The following CRTC1 variants were observed in gnomAD, a reference collection of about 807,000 sequenced individuals.
The protein encoded by CRTC1 is CREB regulated transcription coactivator 1.
CRTC1 carries 18 observed loss-of-function variants against 66.1 expected under a neutral mutation model. The observed-to-expected ratio is 0.27, with a 90% CI of 0.19 to 0.40. CRTC1 has a LOEUF of 0.40. Among genes scored for constraint, CRTC1 ranks in the 10% least tolerant of loss-of-function variants. The pLI is 1.00. For missense variants in CRTC1, 669 were observed against 887.9 expected (o/e 0.75, Z 3.13); for synonymous variants, 416 against 398.8 (o/e 1.04, Z -0.51).
At chr19:18,758,306 G>A (rs2054537004) in intron 6 of CRTC1, among the ~76,000 whole-genome samples, 3 of 151,188 alleles carry the variant, frequency 2.0e-5, no homozygotes, top group Middle Eastern at 3.4e-3. Flanking sequence ...CTTGCAGTGA[G>A]CTGAGATCGT....
At chr19:18,712,379 C>T (rs903482165) in intron 1 of CRTC1, among the ~76,000 whole-genome samples, 3 of 152,088 alleles carry the variant, frequency 2.0e-5, no homozygotes, top group Non-Finnish European at 1.5e-5. Flanking sequence ...CCACCTCAGC[C>T]TTCCTGGTAG....
chr19:18,696,615 G>T (rs763162249), intron 1 of CRTC1, among the ~76,000 whole-genome samples: 1 of 152,130 alleles, frequency 6.6e-6, no homozygotes, highest in Non-Finnish European at 1.5e-5. Context: ...CTTGTTGTAC[G>T]CTGAGCCTCA....
chr19:18,706,182 CTTTTTTTTTTTTTT>C (rs58104974), intron 1 of CRTC1, among the ~76,000 whole-genome samples: 7 of 18,708 alleles, frequency 3.7e-4, no homozygotes, highest in East Asian at 1.2e-3. Context: ...TTCCATTGGT[CTTTTTTTTTTTTTT>C]TTTTTTTTTT....
At chr19:18,753,758 T>C (rs780175070) in intron 6 of CRTC1, among the ~76,000 whole-genome samples, 173 bp downstream of exon 6, 10 of 152,116 alleles carry the variant, frequency 6.6e-5, no homozygotes, top group Non-Finnish European at 1.3e-4. Context: ...TGTTGATCAC[T>C]AAGATCACTA....
At chr19:18,775,406 C>T (rs1455557543) in intron 12 of CRTC1, among the ~76,000 whole-genome samples, 2 of 152,158 alleles carry the variant, frequency 1.3e-5, no homozygotes, top group Non-Finnish European at 2.9e-5. Context: ...CAGCCTGGAG[C>T]TGCTCACTCA....
intron 1 of CRTC1, among the ~76,000 whole-genome samples, chr19:18,740,985 A>G (rs1265263546): frequency 6.6e-6 from 1 of 152,236 alleles, no homozygotes; most frequent in African/African-American, 2.4e-5. Flanking sequence ...AGCCTGGGCA[A>G]CAGAGCGAGA....
In CRTC1 at chr19:18,771,053, T is replaced by C. The variant is rs549648012; in HGVS notation, c.1321-389T>C. ...ATGTGTGGGTGTGCATGTGTGGGTA[T>C]GTATATTCTAGTGTGGATATGTGTA... On this transcript the variant is annotated intron_variant, in intron 10 of 13. Transcript: ENST00000321949. The surrounding 1 kb of genome is among the most constrained non-coding windows in gnomAD (Gnocchi z 4.6). 8.5e-5 allele frequency among the ~76,000 whole-genome samples: 13 copies of C among 152,082 alleles called. No homozygotes were observed. In the South Asian group the frequency reaches 2.5e-3, roughly 29 times the overall value.
rs1044512380 is a variant in CRTC1 at position 18,777,447 on chromosome 19, G to A, written c.*65G>A. The A allele has an allele frequency of 7.7e-6, 11 of 1,429,354 alleles. No homozygotes were observed. The highest frequency in any genetic ancestry group is 7.0e-5 in the African/African-American group (5 of 71,522). 88.5% of individuals were successfully genotyped at this position (1,429,354 alleles called of 1,614,324 possible). On this transcript the variant is annotated 3_prime_UTR_variant, in exon 14 of 14. Transcript: ENST00000321949. The surrounding 1 kb of genome is among the most constrained non-coding windows in gnomAD (Gnocchi z 5.5). ...GCGCCTCCCCAGCCCGGGGACGGCC[G>A]TGCTCCGTCCCTCGCCAACGGCCGA...
At chr19:18,744,040 C>T in intron 2 of CRTC1, 1 of 1,563,754 alleles carries the variant, frequency 6.4e-7, no homozygotes, top group South Asian at 1.1e-5. Context: ...GGGGAGGTCC[C>T]ACGCATCCCG....
At chr19:18,708,457 G>A (rs1433877955) in intron 1 of CRTC1, among the ~76,000 whole-genome samples, 2 of 152,180 alleles carry the variant, frequency 1.3e-5, no homozygotes, top group African/African-American at 4.8e-5. Flanking sequence ...TTCTGTATCA[G>A]CATCAGGAAG....
intron 4 of CRTC1, among the ~76,000 whole-genome samples, chr19:18,747,513 G>A (rs1423891749): frequency 6.6e-6 from 1 of 152,150 alleles, no homozygotes; most frequent in Non-Finnish European, 1.5e-5. Flanking sequence ...GCGCATGCCT[G>A]TAATCCCCAG....
chr19:18,701,582 T>C (rs2053140856), intron 1 of CRTC1, among the ~76,000 whole-genome samples: 1 of 152,210 alleles, frequency 6.6e-6, no homozygotes, highest in East Asian at 1.9e-4. Flanking sequence ...TCATTGCTGT[T>C]AACTGTTTCT....
chr19:18,745,973 C>T lies in CRTC1; in HGVS notation c.381+13C>T. 6.2e-7 allele frequency: 1 copy of T among 1,600,738 alleles called. No homozygotes were observed. The highest frequency in any genetic ancestry group is 8.5e-7 in the Non-Finnish European group (1 of 1,170,728). On this transcript the variant is annotated intron_variant, in intron 3 of 13. Coordinates refer to ENST00000321949, the MANE Select transcript of CRTC1 (RefSeq NM_015321.3). ...ACACGGACGGCAGATATCCTTTTCA[C>T]CAGAGGATGAGGGTGGGGGCCAGGC...
At chr19:18,766,997 T>C (rs1211205449) in intron 9 of CRTC1, among the ~76,000 whole-genome samples, 1 of 152,238 alleles carries the variant, frequency 6.6e-6, no homozygotes, top group African/African-American at 2.4e-5. Context: ...TGCAGCCACC[T>C]GTGTCTTAGC....
chr19:18,696,125 C>T (rs937224145), intron 1 of CRTC1, among the ~76,000 whole-genome samples: 3 of 152,164 alleles, frequency 2.0e-5, no homozygotes, highest in Admixed American at 6.5e-5. Flanking sequence ...GAGACAGGCC[C>T]GGAGAGCGAA....
intron 1 of CRTC1, among the ~76,000 whole-genome samples, chr19:18,716,681 T>C (rs1265863428): frequency 6.6e-6 from 1 of 152,182 alleles, no homozygotes; most frequent in African/African-American, 2.4e-5. Context: ...GTGTCGTCTT[T>C]CCTGTAGAGC....
chr19:18,726,348 C>T (rs567809222), intron 1 of CRTC1, among the ~76,000 whole-genome samples: 3 of 152,322 alleles, frequency 2.0e-5, no homozygotes, highest in South Asian at 2.1e-4. Context: ...GGCCCAGGCC[C>T]GGGAGGGGAG....
chr19:18,746,465 G>A, intron 3 of CRTC1, among the ~76,000 whole-genome samples: 1 of 151,958 alleles, frequency 6.6e-6, no homozygotes, highest in Non-Finnish European at 1.5e-5. Flanking sequence ...GTCACGCAGA[G>A]ATCAGCCAGA....
At chr19:18,772,150 ACCGTAGGAC>A (rs948578869) in intron 11 of CRTC1, among the ~76,000 whole-genome samples, 4 of 152,014 alleles carry the variant, frequency 2.6e-5, no homozygotes, top group African/African-American at 9.7e-5. Flanking sequence ...TGCACCCAGC[ACCGTAGGAC>A]CCTGGCTTGC....
Sources: allele counts gnomAD v4.1 joint callset (sites outside exome capture counted in the v4.1 genomes callset), GRCh38; gene constraint gnomAD v4.1.1; non-coding constraint Gnocchi (gnomAD v3.1); transcripts MANE v1.5; gene names NCBI Gene and HGNC (gene_info 2026-07-23, HGNC 2026-07-21).